The following SYNPR variants were observed in gnomAD, a reference collection of about 807,000 sequenced individuals.
The protein encoded by SYNPR is synaptoporin.
SYNPR carries 23 observed loss-of-function variants against 32.9 expected under a neutral mutation model. The observed-to-expected ratio is 0.70, with a 90% CI of 0.50 to 0.99. The LOEUF is 0.99. Ranked by LOEUF, SYNPR falls within the 50% of genes least tolerant of loss-of-function variation. SYNPR has a pLI of 0.00. For missense variants in SYNPR, 318 were observed against 349.3 expected (o/e 0.91, Z 0.71); for synonymous variants, 146 against 135.9 (o/e 1.07, Z -0.52).
chr3:63,257,264 T>A (rs902133985), intron 2 of SYNPR, among the ~76,000 whole-genome samples: 2 of 152,062 alleles, frequency 1.3e-5, no homozygotes, highest in Non-Finnish European at 1.5e-5. Flanking sequence ...GACACATAAT[T>A]GTCAGATTCA....
At chr3:63,476,581 T>A (rs17068655) in intron 2 of SYNPR, among the ~76,000 whole-genome samples, 6,378 of 152,058 alleles carry the variant, frequency 0.042, 168 homozygotes, top group South Asian at 0.096. Context: ...CATTTGAGAA[T>A]CAACTCTTAC....
At chr3:63,386,489 GAA>G (rs2088046852) in intron 2 of SYNPR, among the ~76,000 whole-genome samples, 1 of 152,168 alleles carries the variant, frequency 6.6e-6, no homozygotes. Flanking sequence ...TAATGTTCCC[GAA>G]ACCTGCTTTG....
intron 2 of SYNPR, among the ~76,000 whole-genome samples, chr3:63,299,320 T>C (rs981227536): frequency 4.6e-5 from 7 of 152,286 alleles, no homozygotes; most frequent in African/African-American, 1.7e-4. Context: ...ATATCTGTTC[T>C]TTGCTACTCT....
chr3:63,210,094 C>T, the SYNPR span, among the ~76,000 whole-genome samples: 1 of 152,202 alleles, frequency 6.6e-6, no homozygotes, highest in African/African-American at 2.4e-5. Context: ...GTGGAAACTA[C>T]TGGAGTATTT....
chr3:63,258,886 G>A (rs920543945), intron 2 of SYNPR, among the ~76,000 whole-genome samples: 1 of 152,008 alleles, frequency 6.6e-6, no homozygotes, highest in African/African-American at 2.4e-5. Context: ...AATGATAAAG[G>A]GGATATCACC....
chr3:63,371,242 CA>C (rs1449832350), intron 2 of SYNPR, among the ~76,000 whole-genome samples: 2 of 151,942 alleles, frequency 1.3e-5, no homozygotes, highest in Non-Finnish European at 1.5e-5. Flanking sequence ...GCCCACCCCA[CA>C]GGGGCCTCCA....
At chr3:63,452,071 A>G (rs999118650) in intron 2 of SYNPR, 7 of 702,146 alleles carry the variant, frequency 1.0e-5, no homozygotes, top group African/African-American at 1.7e-5. Flanking sequence ...TCACACTCAA[A>G]GAAAGGGTTT....
chr3:63,402,277 G>T (rs975367826), intron 2 of SYNPR, among the ~76,000 whole-genome samples: 2 of 152,124 alleles, frequency 1.3e-5, no homozygotes, highest in Non-Finnish European at 2.9e-5. Context: ...GCAAAGTGGT[G>T]ACCATCAGAA....
chr3:63,585,467 G>A (rs765552707), intron 4 of SYNPR, among the ~76,000 whole-genome samples: 26 of 135,344 alleles, frequency 1.9e-4, no homozygotes, highest in South Asian at 7.6e-4. Flanking sequence ...CCTCCGCCCC[G>A]CACCCACCAC....
At chr3:63,454,898 T>C (rs1255375534) in intron 2 of SYNPR, among the ~76,000 whole-genome samples, 35 of 152,146 alleles carry the variant, frequency 2.3e-4, no homozygotes, top group Admixed American at 2.3e-3. Context: ...GCAAATGGAA[T>C]TTATGAGCCA....
At chr3:63,507,603 T>G (rs1364466854) in intron 3 of SYNPR, among the ~76,000 whole-genome samples, 9 of 152,078 alleles carry the variant, frequency 5.9e-5, no homozygotes, top group Non-Finnish European at 8.8e-5. Context: ...ATAAAAGCGG[T>G]GTAGGATCCT....
At chr3:63,249,608 G>A (rs900316240) in intron 1 of SYNPR, among the ~76,000 whole-genome samples, 4 of 151,976 alleles carry the variant, frequency 2.6e-5, no homozygotes, top group South Asian at 2.1e-4. Flanking sequence ...TACACTGCTC[G>A]GGTGATGGGC....
chr3:63,383,469 C>A (rs1278683326), intron 2 of SYNPR, among the ~76,000 whole-genome samples: 2 of 151,958 alleles, frequency 1.3e-5, no homozygotes, highest in Admixed American at 1.3e-4. Flanking sequence ...GTAATCCTAC[C>A]ACTTTGGGAG....
At chr3:63,375,371 C>A (rs1003718589) in intron 2 of SYNPR, among the ~76,000 whole-genome samples, 13 of 152,144 alleles carry the variant, frequency 8.5e-5, no homozygotes, top group African/African-American at 3.1e-4. Context: ...CACATATACA[C>A]CATGGAATAC....
intron 3 of SYNPR, among the ~76,000 whole-genome samples, chr3:63,527,603 G>T (rs1023440143): frequency 5.3e-5 from 8 of 152,202 alleles, no homozygotes; most frequent in African/African-American, 9.6e-5. Flanking sequence ...GAACTATCAA[G>T]AGTCCAGGCC....
chr3:63,243,615 G>T (rs915090904), intron 1 of SYNPR, among the ~76,000 whole-genome samples: 1 of 152,030 alleles, frequency 6.6e-6, no homozygotes, highest in Non-Finnish European at 1.5e-5. Context: ...ATGTAGCTTG[G>T]AGGTTGGTTG....
At chr3:63,287,796 G>A (rs1035270094) in intron 2 of SYNPR, among the ~76,000 whole-genome samples, 2 of 152,222 alleles carry the variant, frequency 1.3e-5, no homozygotes, top group African/African-American at 4.8e-5. Context: ...GTTTAGCTTG[G>A]TTATGGAGGA....
intron 2 of SYNPR, among the ~76,000 whole-genome samples, chr3:63,391,818 A>T (rs1466960437): frequency 1.3e-5 from 2 of 152,126 alleles, no homozygotes; most frequent in Admixed American, 1.3e-4. Context: ...TCCTGTGCTA[A>T]CCCCATTTTA....
chr3:63,600,313 CA>C (rs978792156), intron 4 of SYNPR, among the ~76,000 whole-genome samples: 215 of 152,288 alleles, frequency 1.4e-3, no homozygotes, highest in African/African-American at 4.9e-3. Context: ...TGCCCTTCTA[CA>C]TCATGCTCTG....
Sources: gnomAD v4.1 joint callset for allele counts (sites outside exome capture counted in the v4.1 genomes callset) on GRCh38, gnomAD v4.1.1 for gene constraint, MANE v1.5 for transcripts, NCBI Gene and HGNC (gene_info 2026-07-23, HGNC 2026-07-21) for gene names.